Variants in SMIM35 observed in about 807,000 individuals in gnomAD.
The protein encoded by SMIM35 is TMPRSS4 antisense RNA 1 (non-protein coding).
intron 1 of SMIM35, among the ~76,000 whole-genome samples, chr11:118,038,162 T>A (rs1054989527): frequency 1.2e-4 from 18 of 152,260 alleles, no homozygotes; most frequent in African/African-American, 3.6e-4. Flanking sequence ...GAAATGGATT[T>A]GAGAATGTTC....
At chr11:118,053,134 C>G (rs563487053) in intron 1 of SMIM35, among the ~76,000 whole-genome samples, 1 of 152,246 alleles carries the variant, frequency 6.6e-6, no homozygotes, top group Non-Finnish European at 1.5e-5. Context: ...GGTGAAACCC[C>G]CATCTCGACT....
chr11:118,058,761 G>T (rs1944353245), intron 1 of SMIM35, among the ~76,000 whole-genome samples: 2 of 152,176 alleles, frequency 1.3e-5, no homozygotes, highest in Admixed American at 1.3e-4. Context: ...ATGACCAAGA[G>T]CCCAGCTCGG....
At chr11:118,067,010 C>G (rs1415628353) in intron 1 of SMIM35, among the ~76,000 whole-genome samples, 2 of 152,096 alleles carry the variant, frequency 1.3e-5, no homozygotes, top group African/African-American at 4.8e-5. Flanking sequence ...CTCTTAATCC[C>G]TGATATCTTT....
intron 4 of SMIM35, among the ~76,000 whole-genome samples, chr11:118,012,296 G>A (rs577395873): frequency 1.4e-4 from 22 of 152,294 alleles, no homozygotes; most frequent in African/African-American, 5.1e-4. Context: ...CTTCTAAGCT[G>A]ACGTCCTGTG....
intron 1 of SMIM35, among the ~76,000 whole-genome samples, chr11:118,063,505 A>G (rs1944424190): frequency 6.6e-6 from 1 of 152,014 alleles, no homozygotes; most frequent in African/African-American, 2.4e-5. Flanking sequence ...CTGGCATACA[A>G]CTCCTAAAGT....
intron 1 of SMIM35, among the ~76,000 whole-genome samples, chr11:118,018,712 G>C (rs954561782): frequency 6.6e-6 from 1 of 152,200 alleles, no homozygotes; most frequent in African/African-American, 2.4e-5. Flanking sequence ...TGAGGTGAGG[G>C]AAGGAGATGT....
intron 1 of SMIM35, among the ~76,000 whole-genome samples, chr11:118,066,701 G>T (rs1944479463): frequency 6.6e-6 from 1 of 152,044 alleles, no homozygotes. Flanking sequence ...GGGCATGGTG[G>T]CATGCCTGAG....
intron 4 of SMIM35, among the ~76,000 whole-genome samples, chr11:118,009,312 T>A (rs1270235948): frequency 6.6e-6 from 1 of 152,152 alleles, no homozygotes; most frequent in Non-Finnish European, 1.5e-5. Context: ...AGGCTAGAAG[T>A]GGGTGACAAA....
chr11:118,016,928 A>C (rs2058187792), intron 1 of SMIM35, among the ~76,000 whole-genome samples: 1 of 152,186 alleles, frequency 6.6e-6, no homozygotes. Context: ...CAATTCTCCC[A>C]TTAAAAACGG....
chr11:118,015,665 G>A (rs1331251252), intron 2 of SMIM35, 28 bp downstream of exon 2: 8 of 399,048 alleles, frequency 2.0e-5, no homozygotes, highest in East Asian at 3.6e-5. Flanking sequence ...GCGCAGAACC[G>A]GGGCTACAGG....
chr11:118,044,349 G>C (rs147596529), intron 1 of SMIM35, among the ~76,000 whole-genome samples: 60 of 148,724 alleles, frequency 4.0e-4, no homozygotes, highest in African/African-American at 1.5e-3. Flanking sequence ...CCGTGAGTAC[G>C]TGCCAAGCAG....
chr11:118,057,752 C>T (rs1420829851), intron 1 of SMIM35, among the ~76,000 whole-genome samples: 4 of 152,138 alleles, frequency 2.6e-5, no homozygotes, highest in Non-Finnish European at 5.9e-5. Flanking sequence ...TGAGAGAAAT[C>T]GGAGGTGTGA....
intron 1 of SMIM35, among the ~76,000 whole-genome samples, chr11:118,033,090 G>T (rs1037328315): frequency 6.6e-6 from 1 of 152,166 alleles, no homozygotes; most frequent in Admixed American, 6.5e-5. Flanking sequence ...ATAAGGATCA[G>T]CTCTCATCAA....
intron 1 of SMIM35, among the ~76,000 whole-genome samples, chr11:118,082,539 C>T (rs1945222700): frequency 6.7e-6 from 1 of 148,314 alleles, no homozygotes; most frequent in African/African-American, 2.5e-5. Context: ...CCAGCCTGGG[C>T]AATAGAGTGA....
At chr11:118,015,333 G>T (rs2058173956) in intron 2 of SMIM35, among the ~76,000 whole-genome samples, 4 of 152,190 alleles carry the variant, frequency 2.6e-5, no homozygotes, top group African/African-American at 9.6e-5. Flanking sequence ...AAGACCCACA[G>T]GCAGGGGCAG....
At chr11:118,077,603 A>G (rs1049049235) in intron 1 of SMIM35, among the ~76,000 whole-genome samples, 6 of 152,120 alleles carry the variant, frequency 3.9e-5, no homozygotes, top group African/African-American at 1.2e-4. Context: ...CTTTTGCCCA[A>G]TGTCTCCAGG....
intron 1 of SMIM35, chr11:118,077,282 C>G (rs369300394): frequency 1.2e-6 from 2 of 1,600,312 alleles, no homozygotes; most frequent in African/African-American, 1.3e-5. Context: ...ACAGGGAGAC[C>G]GGGAGGATCA....
At chr11:118,077,250 G>A in intron 1 of SMIM35, 1 of 1,585,792 alleles carries the variant, frequency 6.3e-7, no homozygotes, top group Non-Finnish European at 8.6e-7. Context: ...CTGCCTTGGG[G>A]TGACAATCTC....
intron 1 of SMIM35, among the ~76,000 whole-genome samples, chr11:118,025,089 G>A (rs1299117235): frequency 6.6e-6 from 1 of 152,186 alleles, no homozygotes; most frequent in Non-Finnish European, 1.5e-5. Context: ...TTGCTGCAAA[G>A]GAGAAGATTT....
Sources: allele counts gnomAD v4.1 joint callset (sites outside exome capture counted in the v4.1 genomes callset), GRCh38; gene constraint gnomAD v4.1.1; transcripts MANE v1.5; gene names NCBI Gene and HGNC (gene_info 2026-07-23, HGNC 2026-07-21).